The following DUS3L variants were observed in gnomAD, a reference collection of about 807,000 sequenced individuals.
DUS3L encodes the protein tRNA-dihydrouridine(47) synthase [NAD(P)(+)]-like.
A neutral mutation model predicts 74.6 loss-of-function variants in DUS3L; 62 were observed. That is an observed-to-expected ratio of 0.83 (90% CI 0.68 to 1.03). DUS3L has a LOEUF of 1.03. DUS3L is among the 50% of genes least tolerant of loss of function. The probability of loss-of-function intolerance (pLI) is 0.00; values close to 1 mark genes in which losing one functional copy is unlikely to be tolerated. For synonymous variants in DUS3L, 433 were observed against 395.7 expected, an observed-to-expected ratio of 1.09 and a Z score of -1.12; for missense variants, 884 against 924.4, an observed-to-expected ratio of 0.96 and a Z score of 0.57.
rs142782804 is a variant in DUS3L, at chr19:5,790,105, C to A, written c.329G>T (p.Arg110Leu). 1 of 1,614,130 alleles carries A rather than the reference C, an allele frequency of 6.2e-7. No individual in the cohort carries two copies. The highest frequency in any genetic ancestry group is 1.7e-4 in the Middle Eastern group (1 of 6,058). The change falls in exon 2 of 13, where the codon CGG becomes CTG. Residue 110 changes from arginine to leucine, a missense_variant. Transcript: ENST00000309061. ...GTAGTTCGTGGGCTTCACATGGGGC[C>A]GGCCCTTGTTTTGTCCCCGGGCCCT... The part of the protein sequence containing the change: ...QKRARGQNKG[R>L]PHVKPTNYDK...
Position 5,791,081 on chromosome 19 carries a change from C to T in DUS3L, c.61G>A (p.Gly21Arg). ...ENGGGGDSGAGALERGVAPIK... is the reference protein window; with the variant it reads ...ENGGGGDSGARALERGVAPIK... ...GGCGCCACTCCTCGTTCCAAAGCTC[C>T]GGCTCCCGAGTCGCCACCACCACCA... Residue 21 changes from glycine to arginine, a missense_variant, in exon 1 of 13, where the codon GGA becomes AGA. Coordinates refer to ENST00000309061, the MANE Select transcript of DUS3L (RefSeq NM_020175.3). 6.2e-7 allele frequency: 1 copy of T among 1,608,010 alleles called. No individual in the cohort carries two copies. The highest frequency in any genetic ancestry group is 8.5e-7 in the Non-Finnish European group (1 of 1,177,762).
intron 1 of DUS3L, 100 bp downstream of exon 1, chr19:5,790,944 C>A (rs754173613): frequency 8.4e-7 from 1 of 1,194,676 alleles, no homozygotes; most frequent in Non-Finnish European, 1.2e-6. Flanking sequence ...GGTGGCTTCT[C>A]GCCCTCAGCC....
Position 5,789,487 on chromosome 19 carries a change from C to T in DUS3L, c.620G>A (p.Arg207His), listed in dbSNP as rs34998818. 1.2e-6 allele frequency: 2 copies of T among 1,604,326 alleles called. No homozygotes were observed. Among genetic ancestry groups the T allele is most frequent in the Non-Finnish European group, 1.7e-6 (2 of 1,179,028 alleles). The change falls in exon 3 of 13, where the codon CGC becomes CAC. Residue 207 changes from arginine (R) to histidine (H), a missense_variant. Transcript: ENST00000309061. ...AARGTQPPSI[R>H]NGLDKALQQQ... Reference sequence around the variant, plus strand: ...CTGCAGGGCTTTGTCCAGGCCGTTGCGGATGGACGGGGGCTGGGTCCCGCG... The same window carrying T: ...CTGCAGGGCTTTGTCCAGGCCGTTGTGGATGGACGGGGGCTGGGTCCCGCG...
Position 5,790,315 on chromosome 19 carries a change from T to C in DUS3L, c.119A>G (p.Gln40Arg). ...IKRQYLTTKE[Q>R]FHQFLEAKGQ... ...TTTGGCTTCCAGGAATTGGTGAAAC[T>C]GCTCCTTGGTGGTGAGGTATCTGCC... is the stretch of plus-strand genomic sequence containing the variant. Residue 40 changes from glutamine to arginine, a missense_variant, in exon 2 of 13, where the codon CAG becomes CGG. By Grantham distance (43) the Gln-to-Arg change is conservative. Transcript: ENST00000309061. The C allele has an allele frequency of 6.2e-7, 1 of 1,614,082 alleles. No individual in the cohort carries two copies. Among genetic ancestry groups the C allele is most frequent in the South Asian group, 1.1e-5 (1 of 91,082 alleles).
Position 5,790,920 on chromosome 19 carries a change from C to T in DUS3L, c.98+124G>A, listed in dbSNP as rs143351428. 183 of 956,722 alleles carry T rather than the reference C, an allele frequency of 1.9e-4. No individual in the cohort carries two copies. In the African/African-American group the frequency reaches 2.9e-3, roughly 15 times the overall value. The allele number at this position is 956,722 out of a possible 1,614,324, so 59.3% of individuals were successfully genotyped here. ...CCACCCTGCAGGCGGAAGAACGGCCCGGAATGAAGAGCCGGTGGCTTCTCG... is the reference window on the plus strand; with the variant it reads ...CCACCCTGCAGGCGGAAGAACGGCCTGGAATGAAGAGCCGGTGGCTTCTCG... On this transcript the variant is annotated intron_variant, in intron 1 of 12. Coordinates refer to ENST00000309061, the MANE Select transcript of DUS3L (RefSeq NM_020175.3).
rs982642299 is a variant in DUS3L, at chr19:5,789,060, CAG to C, written c.900+145_900+146del. ...TGAGGGCTGGGCCCAGGACAGAGCA[CAG>C]AGAGGGAGACTCAGCCAGGAGCTCC... On this transcript the variant is annotated intron_variant, in intron 3 of 12. Transcript: ENST00000309061. 1.1e-5 allele frequency: 13 copies of C among 1,236,446 alleles called. No homozygotes were observed. The Admixed American group carries it at 4.4e-4, about 41-fold the overall frequency. The allele number at this position is 1,236,446 out of a possible 1,614,324, so 76.6% of individuals were successfully genotyped here. A position where few individuals can be genotyped will look rare whatever the true frequency, so the allele number is the denominator to read the frequency against.
Position 5,787,286 on chromosome 19 carries a change from C to T in DUS3L, c.1278+10G>A, listed in dbSNP as rs771788286. Reference sequence around the variant, plus strand: ...TTTGGGAGCCAGTGCGAGGATGTGGCTGGCCGTACCTGGTTCATGCCACGG... The same window carrying T: ...TTTGGGAGCCAGTGCGAGGATGTGGTTGGCCGTACCTGGTTCATGCCACGG... On this transcript the variant is annotated intron_variant, in intron 7 of 12. Coordinates refer to ENST00000309061, the MANE Select transcript of DUS3L (RefSeq NM_020175.3). The T allele has an allele frequency of 5.9e-6, 6 of 1,018,302 alleles. No homozygotes were observed. Among genetic ancestry groups the T allele is most frequent in the Non-Finnish European group, 5.9e-6 (5 of 843,492 alleles). The allele number at this position is 1,018,302 out of a possible 1,614,324, so 63.1% of individuals were successfully genotyped here.
At chr19:5,788,471 C>T (rs541316147) in intron 3 of DUS3L, 73 bp from the exon 4 acceptor site, 3 of 1,543,432 alleles carry the variant, frequency 1.9e-6, no homozygotes, top group African/African-American at 2.7e-5. Context: ...AGCCTCCCTT[C>T]TACCCACAGT....
chr19:5,786,880 G>A (rs753768369), intron 8 of DUS3L, 35 bp from the exon 9 acceptor site: 46 of 1,581,174 alleles, frequency 2.9e-5, no homozygotes, highest in Non-Finnish European at 3.7e-5. Flanking sequence ...GTAGGAGGCA[G>A]AGAGTGAGAC....
chr19:5,789,834 GGC>G (rs1365901247), intron 2 of DUS3L, 115 bp from the exon 3 acceptor site: 2 of 1,414,334 alleles, frequency 1.4e-6, no homozygotes, highest in African/African-American at 1.4e-5. Context: ...GAGCAAGTCA[GGC>G]ACCTCACCGT....
At position 5,789,273 on chromosome 19, in the gene DUS3L, G is replaced by C. The variant is rs200504209; in HGVS notation, c.834C>G (p.Pro278=). 7.6e-5 allele frequency: 120 copies of C among 1,587,488 alleles called. No homozygotes were observed. In the East Asian group the frequency reaches 2.3e-3, roughly 31 times the overall value. ...CCGTCAGGGGCCCGCAGGTCCGCAC[G>C]GGGCTGCTGGGAGGGGTGCTAGTGC... ...GPGTSTPPSS[P]VRTCGPLTDE... Residue 278 remains proline, a synonymous_variant, in exon 3 of 13, where the codon CCC becomes CCG. Coordinates refer to ENST00000309061, the MANE Select transcript of DUS3L (RefSeq NM_020175.3).
rs375593434 is a variant in DUS3L at position 5,789,369 on chromosome 19, G to A, written c.738C>T (p.Pro246=). The A allele has an allele frequency of 8.8e-6, 14 of 1,593,396 alleles. No homozygotes were observed. Among genetic ancestry groups the A allele is most frequent in the Non-Finnish European group, 1.0e-5 (12 of 1,171,934 alleles). ...SQGPTPAAAV[P]EGTAAEGAPR... is the part of the protein sequence containing the mutation. ...GAGCGCCCTCGGCTGCCGTGCCCTC[G>A]GGGACAGCGGCAGCGGGTGTGGGGC... The change falls in exon 3 of 13, where the codon CCC becomes CCT. Residue 246 remains proline (P), a synonymous_variant. Transcript: ENST00000309061.
Position 5,790,728 on chromosome 19 carries a change from TAACGGCCGC to T in DUS3L, c.98+307_98+315del, listed in dbSNP as rs2056901813. On this transcript the variant is annotated intron_variant, in intron 1 of 12. Transcript: ENST00000309061. ...TCGCTTCAACCCCAAGACCCGCCAG[TAACGGCCGC>T]TGGCAGAGCACATGCGCCGTACGTC... 4 of 550,082 alleles carry T rather than the reference TAACGGCCGC, an allele frequency of 7.3e-6. No individual in the cohort carries two copies. The African/African-American group carries it at 7.6e-5, about 10-fold the overall frequency. The allele number at this position is 550,082 out of a possible 1,614,324, so 34.1% of individuals were successfully genotyped here. A position where few individuals can be genotyped will look rare whatever the true frequency, so the allele number is the denominator to read the frequency against.
At chr19:5,785,561 G>T in intron 11 of DUS3L, 42 bp downstream of exon 11, 1 of 1,566,650 alleles carries the variant, frequency 6.4e-7, no homozygotes, top group South Asian at 1.2e-5. Context: ...CTAACCAGCC[G>T]CGGCCCACGC....
chr19:5,789,045 G>T, intron 3 of DUS3L, 162 bp downstream of exon 3: 1 of 1,016,832 alleles, frequency 9.8e-7, no homozygotes, highest in Non-Finnish European at 1.3e-6. Context: ...TGAGGGCTGG[G>T]CCCAGGACAG....
chr19:5,790,458 C>T (rs1207052341), intron 1 of DUS3L, 123 bp from the exon 2 acceptor site: 1 of 1,199,340 alleles, frequency 8.3e-7, no homozygotes, highest in Non-Finnish European at 1.2e-6. Context: ...TACTTAAGAA[C>T]CAGCCAGCTC....
At chr19:5,789,825 A>G in intron 2 of DUS3L, 106 bp from the exon 3 acceptor site, 1 of 1,455,766 alleles carries the variant, frequency 6.9e-7, no homozygotes, top group Non-Finnish European at 9.3e-7. Context: ...TGTGTCCCTG[A>G]GCAAGTCAGG....
chr19:5,785,660 G>A lies in DUS3L; in HGVS notation c.1694C>T (p.Thr565Met), dbSNP rs756803226. The change falls in exon 11 of 13, where the codon ACG becomes ATG. Residue 565 changes from threonine (T) to methionine (M), a missense_variant. Transcript: ENST00000309061. ...NYGLEHWGSDTQGVEKTRRFL... is the reference protein window; with the variant it reads ...NYGLEHWGSDMQGVEKTRRFL... Reference sequence around the variant, plus strand: ...GCGCCGGGTCTTCTCCACGCCCTGCGTGTCCGAGCCCCAGTGCTCCAGGCC... The same window carrying A: ...GCGCCGGGTCTTCTCCACGCCCTGCATGTCCGAGCCCCAGTGCTCCAGGCC... The A allele has an allele frequency of 8.1e-6, 13 of 1,612,380 alleles. No homozygotes were observed. The highest frequency in any genetic ancestry group is 2.7e-5 in the African/African-American group (2 of 74,938).
intron 5 of DUS3L, 146 bp downstream of exon 5, chr19:5,787,878 C>T: frequency 1.4e-6 from 2 of 1,440,908 alleles, no homozygotes; most frequent in Non-Finnish European, 9.4e-7. Flanking sequence ...CGGCCATCAG[C>T]CCCCAGAGGT....
Sources: allele counts gnomAD v4.1 joint callset, GRCh38; gene constraint gnomAD v4.1.1; transcripts MANE v1.5; gene names NCBI Gene and HGNC (gene_info 2026-07-23, HGNC 2026-07-21).